The following ERC1 variants were observed in gnomAD, a reference collection of about 807,000 sequenced individuals.
ERC1 encodes RAB6 interacting protein 2.
Under a neutral mutation model 132.0 loss-of-function variants are expected in ERC1, and 56 were observed. The observed-to-expected ratio is 0.42, with a 90% CI of 0.34 to 0.53. The LOEUF is 0.53. Among genes scored for constraint, ERC1 ranks in the 20% least tolerant of loss-of-function variants. ERC1 has a pLI of 0.03. For missense variants in ERC1, 1,202 were observed against 1,349.9 expected (o/e 0.89, Z 1.72); for synonymous variants, 478 against 476.1 (o/e 1.00, Z -0.05).
intron 17 of ERC1, among the ~76,000 whole-genome samples, chr12:1,419,994 C>T (rs2092358600): frequency 1.3e-5 from 2 of 152,010 alleles, no homozygotes; most frequent in African/African-American, 4.8e-5. Context: ...AAAGAACTAC[C>T]CTTGAGGCTT....
intron 13 of ERC1, among the ~76,000 whole-genome samples, chr12:1,259,759 G>T (rs556762525): frequency 6.6e-6 from 1 of 151,932 alleles, no homozygotes; most frequent in Non-Finnish European, 1.5e-5. Flanking sequence ...TCCTGACCTC[G>T]TGATCCACCC....
At chr12:1,440,248 A>G (rs1441708172) in intron 17 of ERC1, among the ~76,000 whole-genome samples, 7 of 125,066 alleles carry the variant, frequency 5.6e-5, no homozygotes, top group Admixed American at 1.9e-4. Context: ...TCTGTCGCCC[A>G]GGCTGGAGTG....
intron 13 of ERC1, among the ~76,000 whole-genome samples, chr12:1,238,606 A>G (rs143587051): frequency 7.5e-4 from 114 of 152,180 alleles, no homozygotes; most frequent in African/African-American, 2.5e-3. Flanking sequence ...TTCTTGAACT[A>G]TGGCCACATT....
At chr12:1,080,203 A>G (rs1941984620) in intron 2 of ERC1, among the ~76,000 whole-genome samples, 1 of 152,224 alleles carries the variant, frequency 6.6e-6, no homozygotes, top group African/African-American at 2.4e-5. Flanking sequence ...AGTGGCATTC[A>G]GTATATCCCA....
chr12:1,242,639 C>T (rs2075883680), intron 13 of ERC1, among the ~76,000 whole-genome samples: 1 of 152,014 alleles, frequency 6.6e-6, no homozygotes, highest in African/African-American at 2.4e-5. Context: ...AGGTTGTGAG[C>T]ATTAATGAGA....
At chr12:1,058,100 C>T (rs538202943) in intron 2 of ERC1, among the ~76,000 whole-genome samples, 23 of 152,110 alleles carry the variant, frequency 1.5e-4, no homozygotes, top group Non-Finnish European at 2.5e-4. Flanking sequence ...TTCTCGGATG[C>T]ATAGTTTGCA....
intron 17 of ERC1, among the ~76,000 whole-genome samples, chr12:1,429,902 C>T (rs1303123943): frequency 6.6e-6 from 1 of 152,204 alleles, no homozygotes; most frequent in African/African-American, 2.4e-5. Flanking sequence ...TGCAGCATTA[C>T]ACATTACCCC....
chr12:1,082,214 G>T (rs1942300633), intron 2 of ERC1, among the ~76,000 whole-genome samples: 1 of 151,980 alleles, frequency 6.6e-6, no homozygotes. Context: ...TTTTAGTGGA[G>T]ACGGGGTTTT....
At chr12:1,434,044 C>T (rs186127716) in intron 17 of ERC1, among the ~76,000 whole-genome samples, 1 of 146,890 alleles carries the variant, frequency 6.8e-6, no homozygotes, top group Admixed American at 6.8e-5. Context: ...CAGCTACAAA[C>T]AAGAGCAGAT....
In ERC1 at chr12:1,393,174, AC is replaced by A. The variant is rs200406140; in HGVS notation, c.2926-14973del. On this transcript the variant is annotated intron_variant, in intron 16 of 18. Coordinates refer to ENST00000360905, the MANE Select transcript of ERC1 (RefSeq NM_178040.4). ...TTTGACTCAGTTATATTCTTTTCTT[AC>A]CATGTATGGACCATGATTTTGTAAA... Among the ~76,000 whole-genome samples the A allele has an allele frequency of 5.7e-3, 861 of 152,294 alleles. 11 individuals carry two copies. The highest frequency in any genetic ancestry group is 0.02 in the African/African-American group (832 of 41,556).
At chr12:1,310,998 T>C (rs1259893128) in intron 15 of ERC1, among the ~76,000 whole-genome samples, 1 of 152,210 alleles carries the variant, frequency 6.6e-6, no homozygotes, top group Non-Finnish European at 1.5e-5. Context: ...TTCTTCAAAA[T>C]CTGCCAATGA....
chr12:1,463,888 A>G (rs973378741), intron 18 of ERC1, among the ~76,000 whole-genome samples: 24 of 152,138 alleles, frequency 1.6e-4, no homozygotes, highest in African/African-American at 5.1e-4. Context: ...CTGGCAAGGA[A>G]AAGCTTGCTT....
Position 1,290,028 on chromosome 12 carries a change from C to A in ERC1, c.2780+16C>A. On this transcript the variant is annotated intron_variant, in intron 15 of 18. Coordinates refer to ENST00000360905, the MANE Select transcript of ERC1 (RefSeq NM_178040.4). ...TGGAGATGAAGTAAGTGTTTGTAGT[C>A]TTATTCTTCAAGCATATGCTTAGTG... 2 of 1,609,468 alleles carry A rather than the reference C, an allele frequency of 1.2e-6. No homozygotes were observed. Among genetic ancestry groups the A allele is most frequent in the South Asian group, 2.2e-5 (2 of 90,812 alleles).
intron 14 of ERC1, among the ~76,000 whole-genome samples, chr12:1,268,305 GAAAAT>G (rs1351454641): frequency 2.0e-5 from 3 of 152,104 alleles, no homozygotes; most frequent in African/African-American, 7.2e-5. Context: ...GTGTTGCTCT[GAAAAT>G]AAAATTATAC....
intron 17 of ERC1, among the ~76,000 whole-genome samples, chr12:1,428,326 T>C (rs896645755): frequency 6.6e-6 from 1 of 152,198 alleles, no homozygotes; most frequent in African/African-American, 2.4e-5. Context: ...AGTTTTACCC[T>C]AAAGAAAAGT....
In ERC1 at chr12:1,409,265, A is replaced by T. The variant is rs117948938; in HGVS notation, c.3024+1018A>T. 8.7e-3 allele frequency among the ~76,000 whole-genome samples: 1,322 copies of T among 152,340 alleles called. 11 individuals are homozygous for T. The highest frequency in any genetic ancestry group is 0.011 in the Non-Finnish European group (782 of 68,032). On this transcript the variant is annotated intron_variant, in intron 17 of 18. Coordinates refer to ENST00000360905, the MANE Select transcript of ERC1 (RefSeq NM_178040.4). Reference sequence around the variant, plus strand: ...TTTAATGTGGGCAAAATGGAGAGCTATCTGCCTGGTGTCAGCAGTCTTTCC... The same window carrying T: ...TTTAATGTGGGCAAAATGGAGAGCTTTCTGCCTGGTGTCAGCAGTCTTTCC...
chr12:1,118,254 C>A (rs968856195), intron 7 of ERC1, among the ~76,000 whole-genome samples: 1 of 152,148 alleles, frequency 6.6e-6, no homozygotes, highest in African/African-American at 2.4e-5. Context: ...GGTGTACAAA[C>A]CAGAGAACCA....
intron 6 of ERC1, among the ~76,000 whole-genome samples, chr12:1,115,386 G>C (rs1258140305): frequency 6.6e-6 from 1 of 152,122 alleles, no homozygotes; most frequent in African/African-American, 2.4e-5. Flanking sequence ...TGAAAAATTA[G>C]CACAACAGCA....
intron 2 of ERC1, among the ~76,000 whole-genome samples, chr12:1,058,789 GTTTTTTTTT>G (rs33992098): frequency 7.7e-6 from 1 of 129,864 alleles, no homozygotes. Flanking sequence ...TGGAAAGTAT[GTTTTTTTTT>G]TTTTTTTTTA....
Sources: gnomAD v4.1 joint callset for allele counts (sites outside exome capture counted in the v4.1 genomes callset) on GRCh38, gnomAD v4.1.1 for gene constraint, MANE v1.5 for transcripts, NCBI Gene and HGNC (gene_info 2026-07-23, HGNC 2026-07-21) for gene names.